Variants in SLC12A5 observed in about 807,000 individuals in gnomAD.
SLC12A5 encodes K-Cl cotransporter 2.
Under a neutral mutation model 124.0 loss-of-function variants are expected in SLC12A5, and 18 were observed. The observed-to-expected ratio is 0.15, with a 90% confidence interval of 0.10 to 0.22. The LOEUF is 0.22. SLC12A5 is among the 10% of genes least tolerant of loss of function. The pLI is 1.00. For missense variants in SLC12A5, 867 were observed against 1,478.7 expected (o/e 0.59, Z 6.78); for synonymous variants, 589 against 568.0 (o/e 1.04, Z -0.53).
chr20:46,053,456 G>T lies in SLC12A5; in HGVS notation c.2548-122G>T. 7.5e-7 allele frequency: 1 copy of T among 1,338,344 alleles called. No homozygotes were observed. Among genetic ancestry groups the T allele is most frequent in the Admixed American group, 1.9e-5 (1 of 52,576 alleles). 82.9% of individuals were successfully genotyped at this position (1,338,344 alleles called of 1,614,324 possible). ...GTGGCCCCAAAGACAGAGGATTTGG[G>T]GTCTGCATGTATGTGTGAGGAGTGG... On this transcript the variant is annotated intron_variant, in intron 19 of 25. Coordinates refer to ENST00000243964, the MANE Select transcript of SLC12A5 (RefSeq NM_020708.5). This position sits in a 1 kb window ranked among gnomAD's most constrained non-coding sequence, Gnocchi z 4.7.
Position 46,043,265 on chromosome 20 carries a change from C to T in SLC12A5, c.1179C>T (p.Phe393=). ...TPIDMDHPYV[F]SDMTSYFTLL... ...TCGACATGGACCACCCTTATGTCTT[C>T]AGTGATATGACCTCCTACTTCACCC... The change falls in exon 9 of 26, where the codon TTC becomes TTT. Residue 393 remains phenylalanine, a synonymous_variant. Transcript: ENST00000243964. 1 of 1,614,114 alleles carries T rather than the reference C, an allele frequency of 6.2e-7. No individual in the cohort carries two copies. Among genetic ancestry groups the T allele is most frequent in the Non-Finnish European group, 8.5e-7 (1 of 1,179,998 alleles).
upstream of SLC12A5, among the ~76,000 whole-genome samples, chr20:46,025,161 T>C (rs1299420049): frequency 1.3e-5 from 2 of 152,194 alleles, no homozygotes; most frequent in Non-Finnish European, 2.9e-5. Flanking sequence ...CTTCTAACCA[T>C]AAAAATGCTA....
rs2084666514 is a variant in SLC12A5, at chr20:46,053,811, G to T, written c.2679+102G>T. ...CTAACACCCATCAGCTTATGATGCTGGATCCTTTCCCCCTCATCCATCTCT... is the reference window on the plus strand; with the variant it reads ...CTAACACCCATCAGCTTATGATGCTTGATCCTTTCCCCCTCATCCATCTCT... On this transcript the variant is annotated intron_variant, in intron 20 of 25. Transcript: ENST00000243964. This position sits in a 1 kb window ranked among gnomAD's most constrained non-coding sequence, Gnocchi z 4.7. 2 of 1,297,384 alleles carry T rather than the reference G, an allele frequency of 1.5e-6. No homozygotes were observed. The highest frequency in any genetic ancestry group is 2.1e-6 in the Non-Finnish European group (2 of 964,090). 80.4% of individuals were successfully genotyped at this position (1,297,384 alleles called of 1,614,324 possible). A position where few individuals can be genotyped will look rare whatever the true frequency, so the allele number is the denominator to read the frequency against.
At chr20:46,041,204 A>T in intron 7 of SLC12A5, 125 bp from the exon 8 acceptor site, 1 of 762,684 alleles carries the variant, frequency 1.3e-6, no homozygotes, top group Non-Finnish European at 2.1e-6. Context: ...CATTTAAATT[A>T]AACGAGGAAC....
chr20:46,040,307 A>G (rs1309095565), intron 6 of SLC12A5, 66 bp from the exon 7 acceptor site: 1 of 1,586,696 alleles, frequency 6.3e-7, no homozygotes, highest in Non-Finnish European at 8.6e-7. Context: ...TTTTTTCCTA[A>G]AGCGCTGCAT....
intron 1 of SLC12A5, among the ~76,000 whole-genome samples, chr20:46,022,354 C>A (rs2084362984): frequency 7.2e-6 from 1 of 139,392 alleles, no homozygotes; most frequent in Non-Finnish European, 1.5e-5. Flanking sequence ...GGTTTGGGGT[C>A]AGGAAAGGGC....
At position 46,035,933 on chromosome 20, in the gene SLC12A5, A is replaced by G; in HGVS notation, c.426+10A>G. 1 of 1,597,332 alleles carries G rather than the reference A, an allele frequency of 6.3e-7. No individual in the cohort carries two copies. On this transcript the variant is annotated intron_variant, in intron 4 of 25. Transcript: ENST00000243964. The stretch of plus-strand genomic sequence containing the variant: ...CATCTGCTGCTCCTGTGTGAGTGAC[A>G]CCCCTCCCCTCACCACCCCCTGACA...
Position 46,029,238 on chromosome 20 carries a change from G to A in SLC12A5, c.-107G>A. ...GCACTGCAGCTTCTTCCTCCGTGGA[G>A]CGGAGAGCGAGACAGAGCTACAGCG... On this transcript the variant is annotated 5_prime_UTR_variant, in exon 1 of 26. Coordinates refer to ENST00000243964, the MANE Select transcript of SLC12A5 (RefSeq NM_020708.5). The A allele has an allele frequency of 6.9e-7, 1 of 1,456,034 alleles. No homozygotes were observed. The highest frequency in any genetic ancestry group is 9.1e-7 in the Non-Finnish European group (1 of 1,103,084). 90.2% of individuals were successfully genotyped at this position (1,456,034 alleles called of 1,614,324 possible).
chr20:46,040,097 G>A (rs1273868339), intron 6 of SLC12A5, among the ~76,000 whole-genome samples: 1 of 152,124 alleles, frequency 6.6e-6, no homozygotes, highest in African/African-American at 2.4e-5. Context: ...TGAAATCCTG[G>A]CTTCAAGTGA....
At chr20:46,022,890 G>A (rs1240789365) in intron 1 of SLC12A5, 1 of 396,782 alleles carries the variant, frequency 2.5e-6, no homozygotes, top group Non-Finnish European at 4.4e-6. Context: ...TGGCTCTGAG[G>A]CCCTCGGGTC....
chr20:46,022,743 G>A, intron 1 of SLC12A5: 1 of 398,312 alleles, frequency 2.5e-6, no homozygotes, highest in Admixed American at 4.4e-5. Flanking sequence ...CCCTGTGCAG[G>A]GTCTTGTAAT....
intron 6 of SLC12A5, 97 bp downstream of exon 6, chr20:46,037,482 G>A (rs1250282980): frequency 1.5e-6 from 2 of 1,363,348 alleles, no homozygotes; most frequent in East Asian, 2.7e-5. Context: ...ATTCAGTGAG[G>A]CCAAAAATGT....
upstream of SLC12A5, among the ~76,000 whole-genome samples, chr20:46,028,389 T>C (rs780302620): frequency 6.9e-4 from 105 of 152,050 alleles, no homozygotes; most frequent in Middle Eastern, 6.8e-3. Context: ...CCTCTTCTGC[T>C]CCTCCTCACC....
rs2084714274 is a variant in SLC12A5, at chr20:46,058,139, G to C, written c.*534G>C. On this transcript the variant is annotated 3_prime_UTR_variant, in exon 26 of 26. Coordinates refer to ENST00000243964, the MANE Select transcript of SLC12A5 (RefSeq NM_020708.5). The surrounding 1 kb of genome is among the most constrained non-coding windows in gnomAD (Gnocchi z 5.8). ...CTATACATAGTGTACAGGAGACATC[G>C]CGTGTATTTTTAACGTCCCCATATT... 1 of 210,682 alleles carries C rather than the reference G, an allele frequency of 4.7e-6. No homozygotes were observed. The highest frequency in any genetic ancestry group is 9.4e-6 in the Non-Finnish European group (1 of 106,780). The allele number at this position is 210,682 out of a possible 1,614,324, so 13.1% of individuals were successfully genotyped here.
rs1002706309 is a variant in SLC12A5, at chr20:46,049,095, C to T, written c.2013-527C>T. On this transcript the variant is annotated intron_variant, in intron 16 of 25. Coordinates refer to ENST00000243964, the MANE Select transcript of SLC12A5 (RefSeq NM_020708.5). ...TGAGCCCAGTTGACTAAACTGGGCT[C>T]CCAGAACCTGGGGCTCTATATTATT... is the stretch of plus-strand genomic sequence containing the variant. Among the ~76,000 whole-genome samples, 10 of 152,228 alleles carry T rather than the reference C, an allele frequency of 6.6e-5. No homozygotes were observed. In the East Asian group the frequency reaches 1.5e-3, roughly 24 times the overall value.
intron 14 of SLC12A5, among the ~76,000 whole-genome samples, chr20:46,046,740 A>G (rs2084599343): frequency 6.6e-6 from 1 of 152,160 alleles, no homozygotes; most frequent in Admixed American, 6.5e-5. Context: ...AGTTCAAATC[A>G]TGACTCTGCA....
rs2145505900 is a variant in SLC12A5, at chr20:46,054,944, A to T, written c.2708A>T (p.Tyr903Phe). ...GAGAGCGACATCTCAGCTTACACCT[A>T]TGAGAAGACGTTGGTGATGGAGCAG... ...MHESDISAYT[Y>F]EKTLVMEQRS... The change falls in exon 21 of 26, where the codon TAT (tyrosine) becomes TTT (phenylalanine). Residue 903 changes from tyrosine (Y) to phenylalanine (F), a missense_variant. Tyr to Phe is a conservative substitution (Grantham distance 22). Coordinates refer to ENST00000243964, the MANE Select transcript of SLC12A5 (RefSeq NM_020708.5). 9.3e-6 allele frequency: 15 copies of T among 1,613,736 alleles called. No individual in the cohort carries two copies. Among genetic ancestry groups the T allele is most frequent in the Non-Finnish European group, 1.2e-5 (14 of 1,179,930 alleles).
At chr20:46,050,101 C>T (rs1009169352) in intron 17 of SLC12A5, among the ~76,000 whole-genome samples, 1 of 152,240 alleles carries the variant, frequency 6.6e-6, no homozygotes, top group African/African-American at 2.4e-5. Flanking sequence ...AACTCCTACT[C>T]TAGACTCCTT....
chr20:46,029,419 CG>C, intron 1 of SLC12A5, 23 bp downstream of exon 1: 1 of 1,363,602 alleles, frequency 7.3e-7, no homozygotes, highest in Admixed American at 2.2e-5. Context: ...CCGGGGGCGG[CG>C]GGGGAGGGGG....
Sources: gnomAD v4.1 joint callset for allele counts (sites outside exome capture counted in the v4.1 genomes callset) on GRCh38, gnomAD v4.1.1 for gene constraint, Gnocchi (gnomAD v3.1) non-coding constraint, MANE v1.5 for transcripts, NCBI Gene and HGNC (gene_info 2026-07-23, HGNC 2026-07-21) for gene names.